Variants in SLCO4C1 observed in about 807,000 individuals in gnomAD.
SLCO4C1 encodes solute carrier organic anion transporter family member 4C1, also known as organic anion transporter M1.
In SLCO4C1, 58 loss-of-function variants were observed where a neutral mutation model predicts 72.1. The ratio of observed to expected loss-of-function variants is 0.80; its 90% confidence interval spans 0.65 to 1.00. The LOEUF (loss-of-function observed/expected upper bound fraction) is 1.00. SLCO4C1 is among the 50% of genes least tolerant of loss of function. The pLI, the probability that SLCO4C1 is intolerant of heterozygous loss-of-function variation, is 0.00. For missense variants in SLCO4C1, 898 were observed against 857.9 expected, an observed-to-expected ratio of 1.05 and a Z score of -0.58; for synonymous variants, 297 against 312.5, an observed-to-expected ratio of 0.95 and a Z score of 0.52.
Position 102,249,735 on chromosome 5 carries a change from G to T in SLCO4C1, c.1523C>A (p.Ser508Ter). Residue 508 changes from serine to a stop codon, truncating the protein, a stop_gained, in exon 9 of 13, where the codon TCG becomes TAG. Transcript: ENST00000310954. LOFTEE classifies it high-confidence loss of function. ...IAPCNANCNC[S>*]RSYYYPVCGD... ...ACAGACAGGATAATAATATGATCGC[G>T]AACAGTTACAATTGGCATTACAAGG... 6.2e-7 allele frequency: 1 copy of T among 1,613,836 alleles called. No homozygotes were observed.
chr5:102,255,212 T>C (rs1748812842), intron 8 of SLCO4C1, among the ~76,000 whole-genome samples: 1 of 152,120 alleles, frequency 6.6e-6, no homozygotes, highest in Non-Finnish European at 1.5e-5. Context: ...ATATCCCAGA[T>C]CTTAATATAT....
rs1748434169 is a variant in SLCO4C1, at chr5:102,236,491, A to G, written c.*367T>C. The G allele has an allele frequency of 6.4e-6, 1 of 155,386 alleles. No individual in the cohort carries two copies. The highest frequency in any genetic ancestry group is 1.4e-5 in the Non-Finnish European group (1 of 70,418). 9.6% of individuals were successfully genotyped at this position (155,386 alleles called of 1,614,324 possible). A position where few individuals can be genotyped will look rare whatever the true frequency, so the allele number is the denominator to read the frequency against. ...TAGAAACAACATTTTTTTTAAATGT[A>G]AATTTTTCTAATTGTGGGCCTTTTT... On this transcript the variant is annotated 3_prime_UTR_variant, in exon 13 of 13. Transcript: ENST00000310954.
chr5:102,249,554 G>A (rs1748697520), intron 9 of SLCO4C1, 84 bp downstream of exon 9: 2 of 1,405,818 alleles, frequency 1.4e-6, no homozygotes, highest in Non-Finnish European at 9.9e-7. Flanking sequence ...GGCAAGAATA[G>A]GCATTGCATA....
At chr5:102,253,953 T>TTA (rs3037929) in intron 8 of SLCO4C1, among the ~76,000 whole-genome samples, 31 of 151,024 alleles carry the variant, frequency 2.1e-4, no homozygotes, top group Non-Finnish European at 3.4e-4. Flanking sequence ...TTGAAATTAT[T>TTA]TATATATATA....
intron 2 of SLCO4C1, among the ~76,000 whole-genome samples, chr5:102,278,357 T>A (rs941459039): frequency 1.1e-4 from 16 of 152,048 alleles, no homozygotes; most frequent in African/African-American, 3.6e-4. Context: ...CAGAAATTTA[T>A]AGAATGAAAG....
intron 9 of SLCO4C1, 51 bp downstream of exon 9, chr5:102,249,587 A>G (rs1748698219): frequency 6.3e-7 from 1 of 1,598,912 alleles, no homozygotes; most frequent in Admixed American, 1.7e-5. Flanking sequence ...AAGTCAAGAT[A>G]ATCCACAAAC....
At chr5:102,284,775 A>G (rs1749420338) in intron 2 of SLCO4C1, among the ~76,000 whole-genome samples, 2 of 151,950 alleles carry the variant, frequency 1.3e-5, no homozygotes, top group Admixed American at 1.3e-4. Flanking sequence ...GATTTTTTAA[A>G]CCTCTACCTA....
rs1748656680 is a variant in SLCO4C1 at position 102,247,442 on chromosome 5, C to T, written c.1621G>A (p.Val541Ile). Residue 541 changes from valine (V) to isoleucine (I), a missense_variant and splice_region_variant, in exon 10 of 13, where the codon GTA (valine) becomes ATA (isoleucine). Transcript: ENST00000310954. ...TCAATACAGGAACAGTTGTAATATA[C>T]CTAAAAATATTAGACATAAAAACAA... is the stretch of plus-strand genomic sequence containing the variant. ...SNPVAHRKPKVYYNCSCIERK... is the reference protein window; with the variant it reads ...SNPVAHRKPKIYYNCSCIERK... The T allele has an allele frequency of 1.3e-6, 2 of 1,498,578 alleles. No individual in the cohort carries two copies. The highest frequency in any genetic ancestry group is 1.4e-5 in the African/African-American group (1 of 71,516). The allele number at this position is 1,498,578 out of a possible 1,614,324, so 92.8% of individuals were successfully genotyped here.
intron 2 of SLCO4C1, among the ~76,000 whole-genome samples, chr5:102,282,394 G>A (rs1462512946): frequency 6.6e-6 from 1 of 151,842 alleles, no homozygotes; most frequent in African/African-American, 2.4e-5. Flanking sequence ...TTTTCCTTGA[G>A]AAAAGAAAAA....
In SLCO4C1 at chr5:102,261,942, G is replaced by T. The variant is rs777946194; in HGVS notation, c.991C>A (p.Pro331Thr). ...AAATGTTTTGGAAAGCAAGAAAAAG[G>T]TATTATTAAAGACCAAGCAAAGATC... is the stretch of plus-strand genomic sequence containing the variant. ...SWIFAWSLIIPFSCFPKHLPG... is the reference protein window; with the variant it reads ...SWIFAWSLIITFSCFPKHLPG... Residue 331 changes from proline (P) to threonine (T), a missense_variant, in exon 5 of 13, where the codon CCT becomes ACT. Transcript: ENST00000310954. The T allele has an allele frequency of 1.2e-6, 2 of 1,611,880 alleles. No individual in the cohort carries two copies. The highest frequency in any genetic ancestry group is 1.7e-6 in the Non-Finnish European group (2 of 1,178,892).
At chr5:102,272,101 C>T (rs73774611) in intron 2 of SLCO4C1, among the ~76,000 whole-genome samples, 1 of 152,118 alleles carries the variant, frequency 6.6e-6, no homozygotes, top group African/African-American at 2.4e-5. Context: ...TACAGGCATA[C>T]ATTGAGAAAG....
Position 102,260,270 on chromosome 5 carries a change from A to G in SLCO4C1, c.1071T>C (p.Asn357=). Residue 357 remains asparagine (N), a synonymous_variant, in exon 6 of 13, where the codon AAT becomes AAC. Transcript: ENST00000310954. ...TTCCAAATTTCACATCTGCATTACT[A>G]TTACTCTGATGAGCCTGGGAAGTTT... The part of the protein sequence containing the change: ...AGKTSQAHQS[N]SNADVKFGKS... 1 of 1,398,428 alleles carries G rather than the reference A, an allele frequency of 7.2e-7. No individual in the cohort carries two copies. Among genetic ancestry groups the G allele is most frequent in the Non-Finnish European group, 9.4e-7 (1 of 1,067,248 alleles). The allele number at this position is 1,398,428 out of a possible 1,614,324, so 86.6% of individuals were successfully genotyped here.
intron 2 of SLCO4C1, among the ~76,000 whole-genome samples, chr5:102,286,517 A>T (rs1277768627): frequency 1.3e-5 from 2 of 152,138 alleles, no homozygotes; most frequent in African/African-American, 4.8e-5. Context: ...TGTCATATTA[A>T]TATTATGTTG....
chr5:102,262,824 G>A (rs1167842038), intron 4 of SLCO4C1, among the ~76,000 whole-genome samples: 12 of 152,138 alleles, frequency 7.9e-5, no homozygotes, highest in African/African-American at 4.8e-5. Context: ...TAATTCAAGA[G>A]TTCTTCTGCA....
At chr5:102,284,503 G>A (rs1749412810) in intron 2 of SLCO4C1, among the ~76,000 whole-genome samples, 1 of 152,150 alleles carries the variant, frequency 6.6e-6, no homozygotes, top group African/African-American at 2.4e-5. Flanking sequence ...AGGGGCGAAA[G>A]CAGGATGAAG....
At chr5:102,261,785 A>G in intron 5 of SLCO4C1, 127 bp downstream of exon 5, 1 of 929,328 alleles carries the variant, frequency 1.1e-6, no homozygotes, top group Non-Finnish European at 1.5e-6. Flanking sequence ...AAAAGTTTAC[A>G]TAGGCAGACA....
chr5:102,287,534 C>CT (rs148132091), intron 2 of SLCO4C1, among the ~76,000 whole-genome samples: 1,311 of 79,898 alleles, frequency 0.016, 24 homozygotes, highest in South Asian at 0.025. Flanking sequence ...TTTTTCACTT[C>CT]TTTTTTTTTT....
At chr5:102,256,569 T>C (rs1016009854) in intron 8 of SLCO4C1, among the ~76,000 whole-genome samples, 36 of 152,146 alleles carry the variant, frequency 2.4e-4, no homozygotes, top group African/African-American at 8.2e-4. Context: ...CAAAGAAATA[T>C]AAATGGTTGA....
intron 10 of SLCO4C1, among the ~76,000 whole-genome samples, chr5:102,245,984 T>C (rs935792023): frequency 1.3e-5 from 2 of 151,922 alleles, no homozygotes; most frequent in Admixed American, 1.3e-4. Context: ...AAAAATTTAT[T>C]GAAACAAATG....
Sources: allele counts gnomAD v4.1 joint callset (sites outside exome capture counted in the v4.1 genomes callset), GRCh38; gene constraint gnomAD v4.1.1; transcripts MANE v1.5; gene names NCBI Gene and HGNC (gene_info 2026-07-23, HGNC 2026-07-21).